The following SHTN1 variants were observed in gnomAD, a reference collection of about 807,000 sequenced individuals.
The protein encoded by SHTN1 is shootin 1, also known as shootin-1.
SHTN1 carries 42 observed loss-of-function variants against 83.1 expected under a neutral mutation model. The ratio of observed to expected loss-of-function variants is 0.51; its 90% CI spans 0.39 to 0.65. SHTN1 has a LOEUF of 0.65. SHTN1 is among the 30% of genes least tolerant of loss of function. SHTN1 has a pLI of 0.00. For synonymous variants in SHTN1, 224 were observed against 247.7 expected, an observed-to-expected ratio of 0.90 and a Z score of 0.90; for missense variants, 622 against 737.8, an observed-to-expected ratio of 0.84 and a Z score of 1.82.
intron 2 of SHTN1, among the ~76,000 whole-genome samples, chr10:116,971,288 T>G (rs1850608950): frequency 6.6e-6 from 1 of 152,158 alleles, no homozygotes; most frequent in South Asian, 2.1e-4. Flanking sequence ...TTTCTTTGAT[T>G]AAGGTTTCCC....
chr10:117,100,804 T>A (rs1287987129), intron 1 of SHTN1, among the ~76,000 whole-genome samples: 1 of 152,068 alleles, frequency 6.6e-6, no homozygotes, highest in Non-Finnish European at 1.5e-5. Context: ...CGGCAAAAAA[T>A]TGAGGGAATA....
intron 1 of SHTN1, among the ~76,000 whole-genome samples, chr10:117,098,764 T>C (rs1269562167): frequency 6.6e-6 from 1 of 152,142 alleles, no homozygotes; most frequent in Non-Finnish European, 1.5e-5. Flanking sequence ...TTGACATCAG[T>C]ATCTACATTC....
At chr10:117,040,192 T>C (rs1852563464) in intron 2 of SHTN1, among the ~76,000 whole-genome samples, 1 of 152,094 alleles carries the variant, frequency 6.6e-6, no homozygotes, top group Admixed American at 6.6e-5. Flanking sequence ...GATTTGAAAA[T>C]TTGTATAGAA....
At chr10:116,938,087 C>T (rs1196630391) in intron 9 of SHTN1, among the ~76,000 whole-genome samples, 1 of 151,914 alleles carries the variant, frequency 6.6e-6, no homozygotes, top group Non-Finnish European at 1.5e-5. Context: ...AGGTTCTTGG[C>T]TTCCTTGCGT....
At chr10:116,990,952 C>T (rs1255298323) in intron 1 of SHTN1, among the ~76,000 whole-genome samples, 1 of 151,822 alleles carries the variant, frequency 6.6e-6, no homozygotes, top group Non-Finnish European at 1.5e-5. Context: ...TTTGGGAGGC[C>T]GAGGCGGGTG....
intron 1 of SHTN1, among the ~76,000 whole-genome samples, chr10:117,124,536 G>A (rs1403862848): frequency 1.3e-5 from 2 of 152,160 alleles, no homozygotes; most frequent in Non-Finnish European, 2.9e-5. Context: ...ACTTTGGGAG[G>A]CCGAGGTGAG....
intron 14 of SHTN1, chr10:116,911,511 C>G: frequency 6.4e-7 from 1 of 1,550,554 alleles, no homozygotes. Context: ...ACTTCATCTT[C>G]AAGCTGTGAT....
At chr10:117,116,229 AAACAC>A (rs1853844535) in intron 1 of SHTN1, among the ~76,000 whole-genome samples, 1 of 152,092 alleles carries the variant, frequency 6.6e-6, no homozygotes, top group South Asian at 2.1e-4. Context: ...TCAAAATAGG[AAACAC>A]AACAACTGAA....
At chr10:116,963,293 C>T (rs1199021461) in intron 3 of SHTN1, among the ~76,000 whole-genome samples, 5 of 150,788 alleles carry the variant, frequency 3.3e-5, no homozygotes, top group Non-Finnish European at 7.4e-5. Context: ...AGGATGGTCT[C>T]GATCTCCTGA....
At chr10:116,896,035 A>C (rs950149083) in intron 16 of SHTN1, among the ~76,000 whole-genome samples, 11 of 152,298 alleles carry the variant, frequency 7.2e-5, no homozygotes, top group Middle Eastern at 3.4e-3. Context: ...TAACATATAC[A>C]TCCTGCCTAC....
intron 1 of SHTN1, among the ~76,000 whole-genome samples, chr10:116,981,575 A>G (rs1438690002): frequency 6.6e-6 from 1 of 152,224 alleles, no homozygotes; most frequent in Non-Finnish European, 1.5e-5. Context: ...ATGATCCCAC[A>G]TCTTACTACT....
chr10:117,124,904 A>G (rs2133651002), intron 1 of SHTN1, among the ~76,000 whole-genome samples: 1 of 152,296 alleles, frequency 6.6e-6, no homozygotes, highest in Admixed American at 6.5e-5. Context: ...TTTTCCTACT[A>G]TTGCTATATT....
At chr10:116,934,141 T>C (rs1443895699) in intron 9 of SHTN1, among the ~76,000 whole-genome samples, 1 of 152,244 alleles carries the variant, frequency 6.6e-6, no homozygotes, top group Non-Finnish European at 1.5e-5. Flanking sequence ...ATAGTTTCTT[T>C]TGCTGTGCAT....
Position 117,022,183 on chromosome 10 carries a change from C to A in SHTN1, c.-123+26262G>T, listed in dbSNP as rs953064231. On this transcript the variant is annotated intron_variant, in intron 2 of 17. Coordinates refer to the SHTN1 transcript ENST00000392901. ...ATACACCATCCAATAAAATACTAAT[C>A]AAAAATAAAAGGAACAAACTACTTA... Among the ~76,000 whole-genome samples, 4 of 152,080 alleles carry A rather than the reference C, an allele frequency of 2.6e-5. No homozygotes were observed. In the East Asian group the frequency reaches 7.7e-4, roughly 29 times the overall value.
intron 14 of SHTN1, among the ~76,000 whole-genome samples, chr10:116,910,447 A>G (rs1848146952): frequency 6.6e-6 from 1 of 152,200 alleles, no homozygotes; most frequent in Non-Finnish European, 1.5e-5. Context: ...GTGGCACAAA[A>G]TTATGGTGAA....
At position 116,896,801 on chromosome 10, in the gene SHTN1, C is replaced by CTT. The variant is rs1230730641; in HGVS notation, c.1673+4962_1673+4963dup. ...AATTTATTTTCTCTGTGATCAGGTA[C>CTT]TTTTTTTTTTTTTTTTTTTTTGAGT... is the stretch of plus-strand genomic sequence containing the variant. On this transcript the variant is annotated intron_variant, in intron 16 of 16. Coordinates refer to ENST00000355371, the MANE Select transcript of SHTN1 (RefSeq NM_001127211.3). Among the ~76,000 whole-genome samples the CTT allele has an allele frequency of 2.5e-3, 300 of 121,674 alleles. 2 individuals carry two copies. The highest frequency in any genetic ancestry group is 5.1e-3 in the African/African-American group (161 of 31,746). 79.8% of individuals were successfully genotyped at this position (121,674 alleles called of 152,430 possible).
intron 11 of SHTN1, among the ~76,000 whole-genome samples, chr10:116,925,782 G>C (rs1848724315): frequency 6.6e-6 from 1 of 152,048 alleles, no homozygotes. Flanking sequence ...TATTCTTGGA[G>C]TCAAATGAGT....
intron 2 of SHTN1, chr10:116,974,253 C>T (rs1850715163): frequency 2.2e-6 from 1 of 463,668 alleles, no homozygotes; most frequent in South Asian, 8.8e-5. Flanking sequence ...CTCATTTTCA[C>T]TTTCAAACTG....
intron 1 of SHTN1, among the ~76,000 whole-genome samples, chr10:116,988,832 G>A (rs1851315641): frequency 2.0e-5 from 3 of 152,130 alleles, no homozygotes; most frequent in Non-Finnish European, 2.9e-5. Flanking sequence ...GAACCATCAT[G>A]CCTGGCCCAG....
Sources: allele counts gnomAD v4.1 joint callset (sites outside exome capture counted in the v4.1 genomes callset), GRCh38; gene constraint gnomAD v4.1.1; transcripts MANE v1.5; gene names NCBI Gene and HGNC (gene_info 2026-07-23, HGNC 2026-07-21).